PTPRD: variants seen among roughly 807,000 people sequenced by gnomAD.
PTPRD encodes the protein protein tyrosine phosphatase receptor type D, also known as receptor-type tyrosine-protein phosphatase delta.
In PTPRD, 34 loss-of-function variants were observed where a neutral mutation model predicts 214.5. The ratio of observed to expected loss-of-function variants is 0.16; its 90% CI spans 0.12 to 0.21. The LOEUF (loss-of-function observed/expected upper bound fraction) is 0.21. PTPRD is among the 10% of genes least tolerant of loss of function. The pLI is 1.00. For missense variants in PTPRD, 2,545 were observed against 2,398.7 expected, an observed-to-expected ratio of 1.06 and a Z score of -1.27; for synonymous variants, 1,128 against 845.7, an observed-to-expected ratio of 1.33 and a Z score of -5.79.
chr9:8,964,853 C>T (rs2099182797), intron 11 of PTPRD, among the ~76,000 whole-genome samples: 1 of 152,080 alleles, frequency 6.6e-6, no homozygotes, highest in Non-Finnish European at 1.5e-5. Context: ...AATTGTGTGG[C>T]TTTGAGAAAT....
intron 14 of PTPRD, among the ~76,000 whole-genome samples, chr9:8,534,079 G>A (rs117598614): frequency 0.034 from 5,117 of 152,018 alleles, 116 homozygotes; most frequent in Middle Eastern, 0.11. Flanking sequence ...CTTTAGTTTC[G>A]TCAGCAAGTG....
intron 12 of PTPRD, among the ~76,000 whole-genome samples, chr9:8,672,960 G>C (rs2097317624): frequency 6.6e-6 from 1 of 151,924 alleles, no homozygotes; most frequent in African/African-American, 2.4e-5. Context: ...AATGTAACTG[G>C]AAAATTTATA....
At chr9:10,210,597 G>T (rs72614094) in intron 3 of PTPRD, among the ~76,000 whole-genome samples, 1 of 150,688 alleles carries the variant, frequency 6.6e-6, no homozygotes, top group South Asian at 2.1e-4. Flanking sequence ...CATGATATGA[G>T]GATATTTAGA....
At chr9:9,915,923 C>T (rs1238041808) in intron 5 of PTPRD, among the ~76,000 whole-genome samples, 1 of 151,736 alleles carries the variant, frequency 6.6e-6, no homozygotes, top group Admixed American at 6.6e-5. Context: ...GCATTATAGT[C>T]AAGTTGAAGA....
chr9:9,773,341 G>A lies in PTPRD; in HGVS notation c.-367-6490C>T, dbSNP rs143772229. 2.2e-3 allele frequency among the ~76,000 whole-genome samples: 342 copies of A among 152,218 alleles called. 1 individual carries two copies. Among genetic ancestry groups the A allele is most frequent in the African/African-American group, 7.9e-3 (330 of 41,550 alleles). On this transcript the variant is annotated intron_variant, in intron 5 of 45. Coordinates refer to ENST00000381196, the MANE Select transcript of PTPRD (RefSeq NM_002839.4). ...TCTTAGGAAGCCCAGGGAGAAGAATGTTTCTTCCCACAGTTATAATATATG... is the reference window on the plus strand; with the variant it reads ...TCTTAGGAAGCCCAGGGAGAAGAATATTTCTTCCCACAGTTATAATATATG...
In PTPRD at chr9:8,486,302, C is replaced by T. The variant is rs2097007154; in HGVS notation, c.2515G>A (p.Ala839Thr). ...ACCGGAGGGTGCCACTGAATAAGAG[C>T]AGTATTCATCTGAGTGTGGTTAATC... ...LVINHTQMNT[A>T]LIQWHPPVDT... Residue 839 changes from alanine (A) to threonine (T), a missense_variant, in exon 28 of 46, where the codon GCT becomes ACT. By Grantham distance (58) the Ala-to-Thr change is moderately conservative. Coordinates refer to ENST00000381196, the MANE Select transcript of PTPRD (RefSeq NM_002839.4). 1.2e-6 allele frequency: 2 copies of T among 1,613,992 alleles called. No homozygotes were observed. The highest frequency in any genetic ancestry group is 1.7e-6 in the Non-Finnish European group (2 of 1,180,012).
At chr9:9,780,055 A>G (rs920082020) in intron 5 of PTPRD, among the ~76,000 whole-genome samples, 2 of 152,236 alleles carry the variant, frequency 1.3e-5, no homozygotes, top group Admixed American at 6.5e-5. Flanking sequence ...AGAGATACAT[A>G]TACACCATGG....
intron 35 of PTPRD, among the ~76,000 whole-genome samples, chr9:8,435,741 G>A (rs1590353969): frequency 6.7e-6 from 1 of 149,890 alleles, no homozygotes; most frequent in African/African-American, 2.5e-5. Flanking sequence ...GCACGCACGT[G>A]CATACACACA....
intron 11 of PTPRD, among the ~76,000 whole-genome samples, chr9:8,933,339 GGTTT>G (rs1384413283): frequency 0.022 from 1,533 of 68,776 alleles, 30 homozygotes; most frequent in Middle Eastern, 0.083. Context: ...ACAACCTTGA[GGTTT>G]TTTTTTTTTT....
rs1404219868 is a variant in PTPRD at position 9,480,779 on chromosome 9, A to G, written c.-236-83297T>C. Among the ~76,000 whole-genome samples the G allele has an allele frequency of 7.9e-5, 12 of 152,136 alleles. No homozygotes were observed. In the East Asian group the frequency reaches 2.3e-3, roughly 29 times the overall value. On this transcript the variant is annotated intron_variant, in intron 8 of 45. Transcript: ENST00000381196. The stretch of plus-strand genomic sequence containing the variant: ...AAATACAACATTAACATCCATCAAT[A>G]ATTAGAGAAAAATAAAAAGCATACA...
At chr9:10,444,795 T>C (rs112047891) in intron 2 of PTPRD, among the ~76,000 whole-genome samples, 2,154 of 152,054 alleles carry the variant, frequency 0.014, 40 homozygotes, top group African/African-American at 0.046. Context: ...AATGTTCAGA[T>C]AATCTTTCTG....
chr9:9,339,229 G>A (rs1014618377), intron 9 of PTPRD, among the ~76,000 whole-genome samples: 2 of 151,918 alleles, frequency 1.3e-5, no homozygotes, highest in East Asian at 3.9e-4. Context: ...CGTAATCCCA[G>A]CACTTTGGGA....
At chr9:8,811,830 C>A (rs1329448393) in intron 11 of PTPRD, among the ~76,000 whole-genome samples, 2 of 152,176 alleles carry the variant, frequency 1.3e-5, no homozygotes, top group Admixed American at 1.3e-4. Flanking sequence ...CACCTTGTTT[C>A]CTATGCACAC....
intron 11 of PTPRD, among the ~76,000 whole-genome samples, chr9:8,873,725 G>T (rs761310658): frequency 5.9e-5 from 9 of 152,122 alleles, no homozygotes; most frequent in Non-Finnish European, 1.0e-4. Flanking sequence ...TTTAAAGAAT[G>T]AAAGCATTGG....
At chr9:10,542,634 T>G (rs925930363) in intron 2 of PTPRD, among the ~76,000 whole-genome samples, 1 of 152,188 alleles carries the variant, frequency 6.6e-6, no homozygotes, top group Non-Finnish European at 1.5e-5. Flanking sequence ...ATCACTTACC[T>G]TTATATTGGT....
At chr9:9,243,957 T>A (rs1211062714) in intron 9 of PTPRD, among the ~76,000 whole-genome samples, 1 of 152,140 alleles carries the variant, frequency 6.6e-6, no homozygotes, top group Non-Finnish European at 1.5e-5. Flanking sequence ...GGATATAAAA[T>A]CAATGTGCAA....
chr9:8,782,788 G>T (rs747780989), intron 11 of PTPRD, among the ~76,000 whole-genome samples: 3 of 151,908 alleles, frequency 2.0e-5, no homozygotes, highest in African/African-American at 7.3e-5. Flanking sequence ...TAGAGACAGG[G>T]TTTCACCATG....
chr9:10,579,811 T>C (rs1281220916), intron 2 of PTPRD, among the ~76,000 whole-genome samples: 2 of 152,206 alleles, frequency 1.3e-5, no homozygotes, highest in South Asian at 2.1e-4. Context: ...CTAACTGGTG[T>C]GAGATAATTC....
intron 12 of PTPRD, among the ~76,000 whole-genome samples, chr9:8,731,943 A>G (rs1212687956): frequency 2.6e-5 from 4 of 152,178 alleles, no homozygotes; most frequent in Non-Finnish European, 4.4e-5. Flanking sequence ...GAGGGAGTAG[A>G]TTCTTTTTCA....
Sources: gnomAD v4.1 joint callset for allele counts (sites outside exome capture counted in the v4.1 genomes callset) on GRCh38, gnomAD v4.1.1 for gene constraint, MANE v1.5 for transcripts, NCBI Gene and HGNC (gene_info 2026-07-23, HGNC 2026-07-21) for gene names.